Variants in KLRG1 observed in about 807,000 individuals in gnomAD.
KLRG1 encodes the protein killer cell lectin like receptor G1, also known as killer cell lectin-like receptor subfamily G member 1.
Under a neutral mutation model 21.8 loss-of-function variants are expected in KLRG1, and 16 were observed. That is an observed-to-expected ratio of 0.73 (90% confidence interval 0.50 to 1.11). The LOEUF is 1.11. Ranked by LOEUF, KLRG1 falls within the 50% of genes most tolerant of loss-of-function variation. The pLI is 0.00. For synonymous variants in KLRG1, 69 were observed against 75.9 expected, an observed-to-expected ratio of 0.91 and a Z score of 0.47; for missense variants, 173 against 218.3, an observed-to-expected ratio of 0.79 and a Z score of 1.31.
chr12:9,108,175 G>T, the KLRG1 span, among the ~76,000 whole-genome samples: 4 of 152,026 alleles, frequency 2.6e-5, no homozygotes, highest in Admixed American at 6.6e-5. Context: ...GCCCAGGCTG[G>T]AGTGCAGTGG....
downstream of KLRG1, among the ~76,000 whole-genome samples, chr12:9,013,534 TA>T (rs914254229): frequency 4.2e-4 from 64 of 150,990 alleles, no homozygotes; most frequent in Admixed American, 2.7e-3. Context: ...GGCAATTTAC[TA>T]AAAAAAAAGA....
the KLRG1 span, among the ~76,000 whole-genome samples, chr12:9,123,363 A>G: frequency 6.6e-6 from 1 of 152,214 alleles, no homozygotes; most frequent in Non-Finnish European, 1.5e-5. Context: ...ATATGCCAAC[A>G]TCACTACTCT....
the KLRG1 span, chr12:9,200,526 AT>A: frequency 8.6e-6 from 10 of 1,169,386 alleles, no homozygotes; most frequent in African/African-American, 1.4e-4. Context: ...TATGTCTATA[AT>A]TTTTCCCAAA....
the KLRG1 span, among the ~76,000 whole-genome samples, chr12:9,131,942 G>A: frequency 6.6e-6 from 1 of 152,046 alleles, no homozygotes; most frequent in Non-Finnish European, 1.5e-5. Flanking sequence ...AAACCAGAGT[G>A]ACTATGGTGC....
the KLRG1 span, among the ~76,000 whole-genome samples, chr12:9,031,519 G>A: frequency 6.3e-3 from 953 of 152,246 alleles, 7 homozygotes; most frequent in Middle Eastern, 0.02. Flanking sequence ...AGGGTCCTGA[G>A]TCTTCTCTGA....
the KLRG1 span, among the ~76,000 whole-genome samples, chr12:9,176,034 G>T: frequency 3.9e-5 from 6 of 152,054 alleles, no homozygotes; most frequent in African/African-American, 1.4e-4. Context: ...CACTATTCAC[G>T]ATAGCAAAGA....
At chr12:8,991,935 C>A in intron 1 of KLRG1, 1 of 233,848 alleles carries the variant, frequency 4.3e-6, no homozygotes, top group Non-Finnish European at 8.3e-6. Context: ...GTATTCTCAC[C>A]ACCTAAGTAT....
the KLRG1 span, among the ~76,000 whole-genome samples, chr12:9,037,540 A>T: frequency 2.6e-5 from 4 of 152,190 alleles, no homozygotes; most frequent in Non-Finnish European, 5.9e-5. Flanking sequence ...TTTAAAATGA[A>T]TTTACTATAG....
the KLRG1 span, among the ~76,000 whole-genome samples, chr12:9,096,756 A>G: frequency 2.6e-5 from 4 of 152,198 alleles, no homozygotes; most frequent in Non-Finnish European, 5.9e-5. Flanking sequence ...AACATTTCTC[A>G]TTTCCTCTCC....
the KLRG1 span, among the ~76,000 whole-genome samples, chr12:9,203,261 C>G: frequency 7.2e-6 from 1 of 138,048 alleles, no homozygotes; most frequent in African/African-American, 2.5e-5. Context: ...CTTCCTTACT[C>G]TGGTAAAAAA....
At chr12:8,974,174 GT>G (rs34490439) in intron 1 of KLRG1, among the ~76,000 whole-genome samples, 12 of 145,488 alleles carry the variant, frequency 8.2e-5, no homozygotes, top group South Asian at 2.2e-4. Flanking sequence ...TGTTTGTTTT[GT>G]TTTTTTTTTT....
At chr12:9,157,050 T>A in the KLRG1 span, 1 of 818,954 alleles carries the variant, frequency 1.2e-6, no homozygotes, top group Admixed American at 2.8e-5. Context: ...AGGTCCCCCA[T>A]GCATTAGCTA....
the KLRG1 span, among the ~76,000 whole-genome samples, chr12:9,038,237 G>A: frequency 1.3e-5 from 2 of 152,172 alleles, no homozygotes; most frequent in Admixed American, 6.5e-5. Context: ...CTCCAGCCTG[G>A]GCAACTGAGC....
chr12:9,009,971 C>T lies in KLRG1; in HGVS notation c.*434C>T, dbSNP rs1291746308. 2 of 1,531,692 alleles carry T rather than the reference C, an allele frequency of 1.3e-6. No individual in the cohort carries two copies. The highest frequency in any genetic ancestry group is 1.7e-6 in the Non-Finnish European group (2 of 1,143,562). The allele number at this position is 1,531,692 out of a possible 1,614,324, so 94.9% of individuals were successfully genotyped here. ...CTGTACTCCTCTGTACATTACTGATCCCTGATGGTATATTTCTATCCTAAC... is the reference window on the plus strand; with the variant it reads ...CTGTACTCCTCTGTACATTACTGATTCCTGATGGTATATTTCTATCCTAAC... On this transcript the variant is annotated 3_prime_UTR_variant, in exon 5 of 5. Coordinates refer to ENST00000356986, the MANE Select transcript of KLRG1 (RefSeq NM_005810.4).
the KLRG1 span, among the ~76,000 whole-genome samples, chr12:9,094,096 G>A: frequency 6.6e-6 from 1 of 151,962 alleles, no homozygotes; most frequent in Non-Finnish European, 1.5e-5. Flanking sequence ...AGGCCGTGAA[G>A]AGGGGCAGGA....
At chr12:9,169,662 A>G in the KLRG1 span, 1 of 1,357,342 alleles carries the variant, frequency 7.4e-7, no homozygotes, top group South Asian at 1.8e-5. Flanking sequence ...AACTGAGAGA[A>G]ATAAAATAAT....
At chr12:9,129,462 T>C in the KLRG1 span, among the ~76,000 whole-genome samples, 2 of 151,706 alleles carry the variant, frequency 1.3e-5, no homozygotes, top group East Asian at 3.9e-4. Flanking sequence ...GAAGAAAATA[T>C]AAAGTAATGT....
the KLRG1 span, chr12:9,079,191 A>G: frequency 1.3e-5 from 18 of 1,382,628 alleles, no homozygotes; most frequent in Non-Finnish European, 1.7e-5. Flanking sequence ...GAGGTAATAC[A>G]TGTAAAAGAG....
chr12:9,044,908 AG>A, the KLRG1 span, among the ~76,000 whole-genome samples: 204 of 152,348 alleles, frequency 1.3e-3, 2 homozygotes, highest in Non-Finnish European at 2.5e-3. Flanking sequence ...TAGGATATTC[AG>A]AGCATTGCTG....
Sources: allele counts gnomAD v4.1 joint callset (sites outside exome capture counted in the v4.1 genomes callset), GRCh38; gene constraint gnomAD v4.1.1; transcripts MANE v1.5; gene names NCBI Gene and HGNC (gene_info 2026-07-23, HGNC 2026-07-21).